The following SYNJ2 variants were observed in gnomAD, a reference collection of about 807,000 sequenced individuals.
The protein encoded by SYNJ2 is polyphosphatidylinositol phosphatase SYNJ2.
A neutral mutation model predicts 141.3 loss-of-function variants in SYNJ2; 116 were observed. The ratio of observed to expected loss-of-function variants is 0.82; its 90% CI spans 0.71 to 0.96. The LOEUF (loss-of-function observed/expected upper bound fraction) is 0.96. Ranked by LOEUF, SYNJ2 falls within the 40% of genes least tolerant of loss-of-function variation. The pLI, the probability that SYNJ2 is intolerant of heterozygous loss-of-function variation, is 0.00. For missense variants in SYNJ2, 1,873 were observed against 1,934.8 expected, an observed-to-expected ratio of 0.97 and a Z score of 0.60; for synonymous variants, 745 against 777.7, an observed-to-expected ratio of 0.96 and a Z score of 0.70.
chr6:158,083,431 G>A lies in SYNJ2; in HGVS notation c.2868G>A (p.Val956=). Residue 956 remains valine (V), a splice_region_variant and synonymous_variant, in exon 21 of 27, where the codon GTG becomes GTA. Transcript: ENST00000355585. The stretch of plus-strand genomic sequence containing the variant: ...GGGTGGCCGCTCTGCCCTCCCAGGT[G>A]AAAGGCAGAGCAGTGAAGATTAGAC... The part of the protein sequence containing the change: ...LSVLDVDGMK[V]KGRAVKIRPK... 6.2e-7 allele frequency: 1 copy of A among 1,613,650 alleles called. No individual in the cohort carries two copies. The highest frequency in any genetic ancestry group is 8.5e-7 in the Non-Finnish European group (1 of 1,179,634).
chr6:157,991,198 G>A (rs1777411399), intron 1 of SYNJ2, among the ~76,000 whole-genome samples: 1 of 152,232 alleles, frequency 6.6e-6, no homozygotes, highest in Non-Finnish European at 1.5e-5. Flanking sequence ...GCCGGAGAAA[G>A]TGGTGAGTGC....
Position 158,055,031 on chromosome 6 carries a change from A to T in SYNJ2, c.857+3A>T. On this transcript the variant is annotated splice_donor_region_variant and intron_variant, in intron 6 of 26. Transcript: ENST00000355585. ...GCCAATGCCCCTGCTTTCGACAGGT[A>T]GGGATTGTCTGACACCATCCAAGCC... 6.2e-7 allele frequency: 1 copy of T among 1,613,690 alleles called. No homozygotes were observed.
chr6:158,060,234 C>T (rs1781132104), intron 7 of SYNJ2, among the ~76,000 whole-genome samples: 1 of 152,156 alleles, frequency 6.6e-6, no homozygotes, highest in African/African-American at 2.4e-5. Flanking sequence ...GGGGGCTTTT[C>T]CTGGCGATCC....
intron 1 of SYNJ2, among the ~76,000 whole-genome samples, chr6:158,011,254 G>T (rs1778259879): frequency 6.6e-6 from 1 of 152,068 alleles, no homozygotes; most frequent in Non-Finnish European, 1.5e-5. Context: ...CAAGACACAG[G>T]GCCAGGTAAG....
chr6:158,036,875 G>GA lies in SYNJ2; in HGVS notation c.711+3196dup, dbSNP rs1464505660. ...CTTTTCTGGCTGATGTCTGCATGGG[G>GA]AGAGTCCCTTCCCTGCCCCACTTCA... On this transcript the variant is annotated intron_variant, in intron 4 of 26. Transcript: ENST00000355585. 4.6e-5 allele frequency among the ~76,000 whole-genome samples: 7 copies of GA among 152,320 alleles called. No homozygotes were observed. The East Asian group carries it at 1.4e-3, about 29-fold the overall frequency.
At chr6:157,996,519 T>G (rs1181793061) in intron 1 of SYNJ2, among the ~76,000 whole-genome samples, 1 of 152,168 alleles carries the variant, frequency 6.6e-6, no homozygotes, top group Non-Finnish European at 1.5e-5. Flanking sequence ...GCAGCCTGAC[T>G]TGTTCCTGCT....
chr6:158,088,816 C>T (rs773449761), intron 24 of SYNJ2, 44 bp downstream of exon 24: 12 of 1,408,140 alleles, frequency 8.5e-6, no homozygotes, highest in African/African-American at 5.7e-5. Flanking sequence ...GTTTTGCCCC[C>T]GGGATAGTGT....
chr6:158,083,330 C>G (rs766173851), intron 20 of SYNJ2, 99 bp from the exon 21 acceptor site: 104 of 1,401,178 alleles, frequency 7.4e-5, no homozygotes, highest in Non-Finnish European at 9.6e-5. Context: ...GAAGATTGGC[C>G]TCGTTGAGGG....
intron 2 of SYNJ2, chr6:158,017,754 G>A (rs755157462): frequency 3.8e-5 from 20 of 532,332 alleles, no homozygotes; most frequent in Non-Finnish European, 7.3e-5. Flanking sequence ...TATGCCTCGG[G>A]ACCTGCTCCT....
At chr6:158,061,871 TA>T in intron 7 of SYNJ2, 120 bp from the exon 8 acceptor site, 1 of 1,018,690 alleles carries the variant, frequency 9.8e-7, no homozygotes, top group Non-Finnish European at 1.5e-6. Context: ...AGCTTCCAGC[TA>T]AAGCACGTCC....
At chr6:158,086,105 A>G (rs1353882958) in intron 22 of SYNJ2, among the ~76,000 whole-genome samples, 1 of 152,094 alleles carries the variant, frequency 6.6e-6, no homozygotes, top group African/African-American at 2.4e-5. Context: ...GTGTTCAGCC[A>G]TTCCCATTTG....
chr6:158,081,593 C>G (rs1782685457), intron 20 of SYNJ2, 83 bp downstream of exon 20: 2 of 710,370 alleles, frequency 2.8e-6, no homozygotes, highest in Admixed American at 5.4e-5. Flanking sequence ...CTCCTCTTGC[C>G]CTGACCTGTG....
chr6:158,058,414 A>G (rs1562365451), intron 6 of SYNJ2, among the ~76,000 whole-genome samples: 1 of 152,248 alleles, frequency 6.6e-6, no homozygotes, highest in Non-Finnish European at 1.5e-5. Context: ...TAATATTTCA[A>G]CATACATATT....
At position 158,085,071 on chromosome 6, in the gene SYNJ2, G is replaced by T. The variant is rs572262745; in HGVS notation, c.3208+897G>T. The stretch of plus-strand genomic sequence containing the variant: ...GGGTCTCACTGTCTCCCAGGCTGGA[G>T]TGCAGTGATACAATCTCAGCTCACT... On this transcript the variant is annotated intron_variant, in intron 22 of 26. Coordinates refer to ENST00000355585, the MANE Select transcript of SYNJ2 (RefSeq NM_003898.4). 3.3e-5 allele frequency among the ~76,000 whole-genome samples: 5 copies of T among 150,536 alleles called. No homozygotes were observed. In the East Asian group the frequency reaches 9.8e-4, roughly 29 times the overall value.
At position 158,088,034 on chromosome 6, in the gene SYNJ2, A is replaced by ATTTTTTT. The variant is rs568222551; in HGVS notation, c.3344-588_3344-582dup. On this transcript the variant is annotated intron_variant, in intron 23 of 26. Transcript: ENST00000355585. ...TAACAGTTTATTCCCCTGCTTTGGA[A>ATTTTTTT]TTTTTTTTTTTTTTTTTTTTTTTTT... Among the ~76,000 whole-genome samples, 40 of 31,878 alleles carry ATTTTTTT rather than the reference A, an allele frequency of 1.3e-3. 3 individuals are homozygous for ATTTTTTT. Among genetic ancestry groups the ATTTTTTT allele is most frequent in the East Asian group, 3.4e-3 (2 of 584 alleles). 20.9% of individuals were successfully genotyped at this position (31,878 alleles called of 152,430 possible). A position where few individuals can be genotyped will look rare whatever the true frequency, so the allele number is the denominator to read the frequency against.
chr6:158,000,064 C>CTTTTTTTT lies in SYNJ2; in HGVS notation c.128-17108_128-17101dup, dbSNP rs58284240. ...GCCAGGTTCTCACCAAGCCAAAAGG[C>CTTTTTTTT]TTTTTTTTTTTTTTTTTTTTTTTTT... is the stretch of plus-strand genomic sequence containing the variant. On this transcript the variant is annotated intron_variant, in intron 1 of 26. Coordinates refer to ENST00000355585, the MANE Select transcript of SYNJ2 (RefSeq NM_003898.4). Among the ~76,000 whole-genome samples, 98 of 85,576 alleles carry CTTTTTTTT rather than the reference C, an allele frequency of 1.1e-3. 11 individuals are homozygous for CTTTTTTTT. The highest frequency in any genetic ancestry group is 1.5e-3 in the Non-Finnish European group (60 of 40,836). The allele number at this position is 85,576 out of a possible 152,430, so 56.1% of individuals were successfully genotyped here.
intron 22 of SYNJ2, among the ~76,000 whole-genome samples, chr6:158,085,836 G>A (rs990252824): frequency 1.3e-5 from 2 of 152,258 alleles, no homozygotes; most frequent in South Asian, 2.1e-4. Context: ...AGCAGCCTTC[G>A]CCGGAGCATC....
intron 18 of SYNJ2, 109 bp from the exon 19 acceptor site, chr6:158,081,000 T>G: frequency 1.0e-6 from 1 of 993,394 alleles, no homozygotes; most frequent in South Asian, 1.3e-5. Context: ...AGCTGGGGAC[T>G]GGGGGCTGGA....
In SYNJ2 at chr6:158,046,920, G is replaced by A. The variant is rs546152548; in HGVS notation, c.795+3521G>A. On this transcript the variant is annotated intron_variant, in intron 5 of 26. Transcript: ENST00000355585. ...CCCACCATATGCTGTATAGACACGTGCCTTGCCAAGGTGAGTTCAGTCTGT... is the reference window on the plus strand; with the variant it reads ...CCCACCATATGCTGTATAGACACGTACCTTGCCAAGGTGAGTTCAGTCTGT... Among the ~76,000 whole-genome samples the A allele has an allele frequency of 2.6e-5, 4 of 151,856 alleles. No individual in the cohort carries two copies. The South Asian group carries it at 8.3e-4, about 32-fold the overall frequency.
Sources: gnomAD v4.1 joint callset for allele counts (sites outside exome capture counted in the v4.1 genomes callset) on GRCh38, gnomAD v4.1.1 for gene constraint, MANE v1.5 for transcripts, NCBI Gene and HGNC (gene_info 2026-07-23, HGNC 2026-07-21) for gene names.